The following MSN variants were observed in gnomAD, a reference collection of about 807,000 sequenced individuals.
The protein encoded by MSN is epididymis luminal protein 70.
Under a neutral mutation model 48.0 loss-of-function variants are expected in MSN, and 2 were observed. The observed-to-expected ratio is 0.04, with a 90% CI of 0.02 to 0.13. The LOEUF is 0.13. MSN is among the 10% of genes least tolerant of loss of function. MSN has a pLI of 1.00. For missense variants in MSN, 267 were observed against 470.1 expected (o/e 0.57, Z 3.99); for synonymous variants, 146 against 166.9 (o/e 0.87, Z 0.97).
At chrX:65,705,897 G>C (rs1325339253) in intron 1 of MSN, among the ~76,000 whole-genome samples, 1 of 111,835 alleles carries the variant, frequency 8.9e-6, no homozygotes, top group Non-Finnish European at 1.9e-5. Context: ...TGTGAGTGAG[G>C]TTGGGTGTTG....
chrX:65,630,063 C>T (rs960220636), intron 1 of MSN, among the ~76,000 whole-genome samples: 2 of 110,229 alleles, frequency 1.8e-5, no homozygotes, highest in Non-Finnish European at 1.9e-5. Context: ...CTTGTAATCC[C>T]AGCTACTCGG....
chrX:65,590,095 G>A (rs1490012186), intron 1 of MSN, among the ~76,000 whole-genome samples: 1 of 110,846 alleles, frequency 9.0e-6, no homozygotes, highest in Non-Finnish European at 1.9e-5. Flanking sequence ...GACTACAGGT[G>A]TGAGCCACCG....
intron 2 of MSN, among the ~76,000 whole-genome samples, chrX:65,727,224 G>A (rs1569467418): frequency 9.0e-6 from 1 of 111,718 alleles, no homozygotes; most frequent in East Asian, 2.8e-4. Context: ...TTAAGGGTGT[G>A]GGTATTACCC....
chrX:65,716,467 G>T, intron 1 of MSN: 1 of 275,559 alleles, frequency 3.6e-6, no homozygotes. Context: ...GTAGAGATGG[G>T]GTTTTGCCAT....
intron 2 of MSN, among the ~76,000 whole-genome samples, chrX:65,718,949 G>C (rs1448423308): frequency 9.0e-6 from 1 of 111,123 alleles, no homozygotes; most frequent in Non-Finnish European, 1.9e-5. Flanking sequence ...TTTTGTGTTT[G>C]TTTTACTTTG....
chrX:65,665,965 GA>G (rs1467500912), upstream of MSN, among the ~76,000 whole-genome samples: 1 of 111,522 alleles, frequency 9.0e-6, no homozygotes, highest in Non-Finnish European at 1.9e-5. Context: ...TGGAGAGGAG[GA>G]AAAAAGGACT....
intron 1 of MSN, among the ~76,000 whole-genome samples, chrX:65,703,993 G>A (rs1017080354): frequency 1.8e-5 from 2 of 112,181 alleles, no homozygotes; most frequent in Admixed American, 1.9e-4. Flanking sequence ...TTTGGGTTTG[G>A]ATCAGCTCCA....
intron 1 of MSN, among the ~76,000 whole-genome samples, chrX:65,641,356 C>T (rs1330764402): frequency 2.0e-5 from 2 of 101,290 alleles, no homozygotes; most frequent in African/African-American, 3.6e-5. Flanking sequence ...ATGGCAAAAC[C>T]CCGTCTCTAC....
At chrX:65,623,683 G>A (rs972561544) in intron 1 of MSN, among the ~76,000 whole-genome samples, 1 of 109,157 alleles carries the variant, frequency 9.2e-6, no homozygotes, top group Non-Finnish European at 1.9e-5. Flanking sequence ...ATGGTGGCAG[G>A]CACCTGTAAT....
chrX:65,682,216 T>A (rs2071063322), intron 1 of MSN, among the ~76,000 whole-genome samples: 1 of 112,369 alleles, frequency 8.9e-6, no homozygotes, highest in Admixed American at 9.4e-5. Flanking sequence ...TCTTCATGTC[T>A]GTCACTAACT....
At chrX:65,622,238 G>A (rs1474233887) in intron 1 of MSN, among the ~76,000 whole-genome samples, 1 of 107,215 alleles carries the variant, frequency 9.3e-6, no homozygotes, top group Non-Finnish European at 1.9e-5. Flanking sequence ...GGGATTACAG[G>A]CACCTGCCAC....
intron 1 of MSN, among the ~76,000 whole-genome samples, chrX:65,620,925 C>T (rs1336438462): frequency 1.0e-5 from 1 of 96,826 alleles, no homozygotes; most frequent in South Asian, 4.6e-4. Flanking sequence ...GTTGATACTT[C>T]TCTGTTGTTG....
chrX:65,713,748 T>A (rs1282237317), intron 1 of MSN, among the ~76,000 whole-genome samples: 1 of 111,919 alleles, frequency 8.9e-6, no homozygotes, highest in Non-Finnish European at 1.9e-5. Flanking sequence ...CCATTAGTTA[T>A]TAAAATATTT....
intron 3 of MSN, among the ~76,000 whole-genome samples, chrX:65,728,403 C>G (rs745339051): frequency 2.7e-5 from 3 of 111,564 alleles, no homozygotes; most frequent in Non-Finnish European, 5.6e-5. Context: ...ACGCCATTCT[C>G]CTGCTTCAGC....
At chrX:65,660,427 G>A (rs1330134192) in intron 1 of MSN, among the ~76,000 whole-genome samples, 1 of 111,812 alleles carries the variant, frequency 8.9e-6, no homozygotes, top group Non-Finnish European at 1.9e-5. Context: ...CATATCATCT[G>A]CAAAGAGAGA....
intron 1 of MSN, among the ~76,000 whole-genome samples, chrX:65,633,023 A>G (rs1185185458): frequency 1.8e-5 from 2 of 111,301 alleles, no homozygotes; most frequent in Non-Finnish European, 3.8e-5. Context: ...GCATGGATTC[A>G]TTTCAGGCAG....
At chrX:65,603,062 G>A (rs758604111) in intron 1 of MSN, among the ~76,000 whole-genome samples, 12 of 112,204 alleles carry the variant, frequency 1.1e-4, no homozygotes, top group Non-Finnish European at 1.9e-4. Flanking sequence ...GGGAGGCCAA[G>A]GTGGGTGGAT....
chrX:65,622,163 C>T lies in MSN; in HGVS notation c.-22+33551C>T, dbSNP rs185567069. 3.6e-4 allele frequency among the ~76,000 whole-genome samples: 37 copies of T among 103,939 alleles called. 1 individual carries two copies. The highest frequency in any genetic ancestry group is 1.1e-3 in the African/African-American group (31 of 28,530). The allele number at this position is 103,939 out of a possible 115,157, so 90.3% of individuals were successfully genotyped here. The stretch of plus-strand genomic sequence containing the variant: ...AGGTTGGAGTGCAGTGGCTCCATCT[C>T]GACTCACTGCAACCTCTGCCTCCTG... On this transcript the variant is annotated intron_variant, in intron 1 of 3. Coordinates refer to the MSN transcript ENST00000609672.
chrX:65,670,016 CA>C, intron 1 of MSN, among the ~76,000 whole-genome samples: 1 of 111,388 alleles, frequency 9.0e-6, no homozygotes, highest in South Asian at 3.7e-4. Flanking sequence ...TTGCTCCAAA[CA>C]AATTGCCCAC....
Sources: allele counts gnomAD v4.1 joint callset (sites outside exome capture counted in the v4.1 genomes callset), GRCh38; gene constraint gnomAD v4.1.1; transcripts MANE v1.5; gene names NCBI Gene and HGNC (gene_info 2026-07-23, HGNC 2026-07-21).